CSMD1: variants seen among roughly 807,000 people sequenced by gnomAD.
The protein encoded by CSMD1 is CUB and sushi domain-containing protein 1.
Under a neutral mutation model 417.5 loss-of-function variants are expected in CSMD1, and 213 were observed. The ratio of observed to expected loss-of-function variants is 0.51; its 90% CI spans 0.46 to 0.57. The LOEUF (loss-of-function observed/expected upper bound fraction) is 0.57, where lower values mean the gene tolerates loss of function less well. Ranked by LOEUF, CSMD1 falls within the 20% of genes least tolerant of loss-of-function variation. CSMD1 has a pLI of 0.00. For synonymous variants in CSMD1, 2,862 were observed against 1,736.8 expected, an observed-to-expected ratio of 1.65 and a Z score of -16.11; for missense variants, 6,923 against 4,529.7, an observed-to-expected ratio of 1.53 and a Z score of -15.17.
chr8:4,791,545 A>C (rs1797690220), intron 1 of CSMD1, among the ~76,000 whole-genome samples: 1 of 152,142 alleles, frequency 6.6e-6, no homozygotes, highest in South Asian at 2.1e-4. Flanking sequence ...CACTGGAAAA[A>C]TGTTTTGTCT....
chr8:4,510,612 C>T (rs565271859), intron 2 of CSMD1, among the ~76,000 whole-genome samples: 1 of 148,622 alleles, frequency 6.7e-6, no homozygotes, highest in East Asian at 2.0e-4. Flanking sequence ...GCCTTCCTTC[C>T]CTCCTCCCTT....
intron 2 of CSMD1, among the ~76,000 whole-genome samples, chr8:4,521,233 C>G (rs945929532): frequency 6.6e-6 from 1 of 151,754 alleles, no homozygotes; most frequent in African/African-American, 2.4e-5. Flanking sequence ...AAAAAAGAAC[C>G]AGAATGATAG....
chr8:3,900,575 C>G (rs150639417), intron 5 of CSMD1, among the ~76,000 whole-genome samples: 22 of 151,892 alleles, frequency 1.4e-4, no homozygotes, highest in Non-Finnish European at 2.8e-4. Context: ...GATACTGTAG[C>G]TGGATGACAC....
At chr8:3,421,423 G>A (rs985414097) in intron 12 of CSMD1, among the ~76,000 whole-genome samples, 1 of 152,218 alleles carries the variant, frequency 6.6e-6, no homozygotes, top group Non-Finnish European at 1.5e-5. Context: ...ATCCCAGGTT[G>A]TGATTAAGAA....
chr8:4,539,153 G>A (rs1252836723), intron 2 of CSMD1, among the ~76,000 whole-genome samples: 1 of 152,080 alleles, frequency 6.6e-6, no homozygotes, highest in Non-Finnish European at 1.5e-5. Flanking sequence ...GGATTTTTTT[G>A]TGGGTGAATT....
chr8:3,610,527 G>A (rs1287809319), intron 8 of CSMD1, among the ~76,000 whole-genome samples: 1 of 151,472 alleles, frequency 6.6e-6, no homozygotes, highest in Non-Finnish European at 1.5e-5. Context: ...AAAATAAATA[G>A]GTCATATAAG....
chr8:3,524,572 GAC>G (rs144059926), intron 10 of CSMD1, among the ~76,000 whole-genome samples: 4,864 of 142,100 alleles, frequency 0.034, 156 homozygotes, highest in East Asian at 0.19. Context: ...TGCATACCCA[GAC>G]ACTTATGCAC....
chr8:4,255,540 CTTTTGT>C (rs1176926381), intron 3 of CSMD1, among the ~76,000 whole-genome samples: 2 of 152,240 alleles, frequency 1.3e-5, no homozygotes, highest in South Asian at 2.1e-4. Context: ...GTCGCAATCA[CTTTTGT>C]TTTTATCTTC....
rs535927855 is a variant in CSMD1 at position 3,820,485 on chromosome 8, T to C, written c.819-66443A>G. On this transcript the variant is annotated intron_variant, in intron 5 of 69. Transcript: ENST00000635120. The stretch of plus-strand genomic sequence containing the variant: ...CTTGATACCTTGTCCCACTGGAAGT[T>C]TGTCAGGGTCAACAGCACACGTGAA... 1.3e-4 allele frequency among the ~76,000 whole-genome samples: 20 copies of C among 152,278 alleles called. No homozygotes were observed. The South Asian group carries it at 4.1e-3, about 32-fold the overall frequency.
chr8:4,673,225 G>A (rs1361064471), intron 1 of CSMD1, among the ~76,000 whole-genome samples: 2 of 152,154 alleles, frequency 1.3e-5, no homozygotes, highest in Admixed American at 6.5e-5. Flanking sequence ...TATGCCAAAT[G>A]TTTATTTAAA....
chr8:4,253,244 A>G (rs1215387457), intron 3 of CSMD1, among the ~76,000 whole-genome samples: 5 of 152,196 alleles, frequency 3.3e-5, no homozygotes, highest in African/African-American at 1.2e-4. Flanking sequence ...ATAAAATGAC[A>G]TCTCCAAAAA....
intron 23 of CSMD1, among the ~76,000 whole-genome samples, chr8:3,308,904 T>C (rs1435103143): frequency 2.6e-5 from 4 of 152,040 alleles, no homozygotes; most frequent in African/African-American, 7.2e-5. Context: ...TTTGTATTTT[T>C]AGTAGAGACG....
At chr8:3,174,939 T>G (rs73493904) in intron 37 of CSMD1, among the ~76,000 whole-genome samples, 1 of 152,210 alleles carries the variant, frequency 6.6e-6, no homozygotes, top group Non-Finnish European at 1.5e-5. Flanking sequence ...GAGATCTTAT[T>G]TGTTCATGAC....
chr8:4,422,670 G>C (rs760801169), intron 2 of CSMD1, among the ~76,000 whole-genome samples: 5 of 152,030 alleles, frequency 3.3e-5, no homozygotes, highest in African/African-American at 1.2e-4. Context: ...ACTTATAGTA[G>C]TTTGTTATGG....
chr8:4,146,832 G>C (rs1463870741), intron 3 of CSMD1, among the ~76,000 whole-genome samples: 8 of 149,348 alleles, frequency 5.4e-5, no homozygotes, highest in Non-Finnish European at 8.8e-5. Context: ...GGATAGTCTC[G>C]ATCTCCTGAC....
Position 4,482,822 on chromosome 8 carries a change from T to A in CSMD1, c.303-62757A>T, listed in dbSNP as rs141848415. Among the ~76,000 whole-genome samples, 483 of 152,330 alleles carry A rather than the reference T, an allele frequency of 3.2e-3. 1 individual carries two copies. Among genetic ancestry groups the A allele is most frequent in the African/African-American group, 9.6e-3 (400 of 41,580 alleles). ...GTGAGACAGTATCTCATTAAAGAAA[T>A]GCAAATCAATACTAAAACTCTTAAT... is the stretch of plus-strand genomic sequence containing the variant. On this transcript the variant is annotated intron_variant, in intron 2 of 69. Coordinates refer to ENST00000635120, the MANE Select transcript of CSMD1 (RefSeq NM_033225.6).
intron 3 of CSMD1, among the ~76,000 whole-genome samples, chr8:4,275,834 G>A (rs1026851585): frequency 1.3e-5 from 2 of 152,114 alleles, no homozygotes; most frequent in African/African-American, 4.8e-5. Context: ...AAGTGATATT[G>A]TTATATTTTA....
chr8:4,487,418 T>C (rs894662127), intron 2 of CSMD1, among the ~76,000 whole-genome samples: 1 of 152,148 alleles, frequency 6.6e-6, no homozygotes, highest in Non-Finnish European at 1.5e-5. Context: ...ATGCAGTGTT[T>C]GGTTTTTCGT....
chr8:3,775,386 G>A (rs1040223255), intron 5 of CSMD1, among the ~76,000 whole-genome samples: 19 of 152,244 alleles, frequency 1.2e-4, no homozygotes, highest in South Asian at 6.2e-4. Flanking sequence ...CAGGTAACAG[G>A]CCCAGGTACC....
Sources: gnomAD v4.1 joint callset for allele counts (sites outside exome capture counted in the v4.1 genomes callset) on GRCh38, gnomAD v4.1.1 for gene constraint, MANE v1.5 for transcripts, NCBI Gene and HGNC (gene_info 2026-07-23, HGNC 2026-07-21) for gene names.